NKAIN2: variants seen among roughly 807,000 people sequenced by gnomAD.
The protein encoded by NKAIN2 is sodium/potassium transporting ATPase interacting 2.
In NKAIN2, 14 loss-of-function variants were observed where a neutral mutation model predicts 32.6. That is an observed-to-expected ratio of 0.43 (90% confidence interval 0.28 to 0.67). The LOEUF (loss-of-function observed/expected upper bound fraction) is 0.67. Among genes scored for constraint, NKAIN2 ranks in the 30% least tolerant of loss-of-function variants. The pLI is 0.17. For synonymous variants in NKAIN2, 80 were observed against 87.2 expected (o/e 0.92, Z 0.46); for missense variants, 198 against 258.3 (o/e 0.77, Z 1.60).
intron 1 of NKAIN2, among the ~76,000 whole-genome samples, chr6:123,943,345 A>G (rs540785771): frequency 6.6e-6 from 1 of 152,164 alleles, no homozygotes; most frequent in South Asian, 2.1e-4. Context: ...ATAGTAAGTT[A>G]CTGTTTCAAA....
rs141433693 is a variant in NKAIN2 at position 124,007,011 on chromosome 6, A to G, written c.54+202757A>G. Among the ~76,000 whole-genome samples, 598 of 152,230 alleles carry G rather than the reference A, an allele frequency of 3.9e-3. 2 individuals carry two copies. The highest frequency in any genetic ancestry group is 0.014 in the African/African-American group (565 of 41,530). ...ATTCTGAGAAATGCATCCTTAAGCA[A>G]TTTTGTCATTGTGCAAACATCATAC... On this transcript the variant is annotated intron_variant, in intron 1 of 6. Transcript: ENST00000368417.
At chr6:123,936,243 A>G (rs984325537) in intron 1 of NKAIN2, among the ~76,000 whole-genome samples, 3 of 152,192 alleles carry the variant, frequency 2.0e-5, no homozygotes, top group African/African-American at 7.2e-5. Flanking sequence ...AGAAAGGAAC[A>G]TGCATTATAG....
Position 124,453,866 on chromosome 6 carries a change from T to G in NKAIN2, c.273+98519T>G, listed in dbSNP as rs536149246. Among the ~76,000 whole-genome samples the G allele has an allele frequency of 2.6e-5, 4 of 152,200 alleles. No homozygotes were observed. The East Asian group carries it at 7.8e-4, about 29-fold the overall frequency. On this transcript the variant is annotated intron_variant, in intron 3 of 6. Transcript: ENST00000368417. ...ATCATATAGTTAAAAAAAGTATTGATTTCTCCTTCAGGCTTACCTAAGAAA... is the reference window on the plus strand; with the variant it reads ...ATCATATAGTTAAAAAAAGTATTGAGTTCTCCTTCAGGCTTACCTAAGAAA...
chr6:124,245,944 A>T (rs1793373172), intron 1 of NKAIN2, among the ~76,000 whole-genome samples: 2 of 152,274 alleles, frequency 1.3e-5, no homozygotes, highest in Admixed American at 6.5e-5. Flanking sequence ...TATTGATAAA[A>T]TATATATAAG....
intron 1 of NKAIN2, among the ~76,000 whole-genome samples, chr6:123,999,273 T>G (rs1340284693): frequency 1.3e-5 from 2 of 152,164 alleles, no homozygotes; most frequent in Non-Finnish European, 2.9e-5. Flanking sequence ...TGACATTATA[T>G]TCTAAGGTGA....
rs374582130 is a variant in NKAIN2, at chr6:124,650,807, A to C, written c.274-7379A>C. Among the ~76,000 whole-genome samples, 16 of 152,304 alleles carry C rather than the reference A, an allele frequency of 1.1e-4. No homozygotes were observed. The East Asian group carries it at 2.7e-3, about 26-fold the overall frequency. ...GTCCGCCAGAATCTATGTTCACCTCACATGCAAAATATATTCATTTGATTT... is the reference window on the plus strand; with the variant it reads ...GTCCGCCAGAATCTATGTTCACCTCCCATGCAAAATATATTCATTTGATTT... On this transcript the variant is annotated intron_variant, in intron 3 of 6. Coordinates refer to ENST00000368417, the MANE Select transcript of NKAIN2 (RefSeq NM_001040214.3).
At chr6:124,212,851 G>T (rs1422743862) in intron 1 of NKAIN2, among the ~76,000 whole-genome samples, 1 of 151,990 alleles carries the variant, frequency 6.6e-6, no homozygotes, top group Non-Finnish European at 1.5e-5. Context: ...GACTCAAAAT[G>T]ATGCAACTTT....
chr6:123,886,089 C>T (rs1773702278), intron 1 of NKAIN2, among the ~76,000 whole-genome samples: 1 of 151,766 alleles, frequency 6.6e-6, no homozygotes, highest in Non-Finnish European at 1.5e-5. Flanking sequence ...TTATTTTTAC[C>T]TATCAAATTA....
intron 1 of NKAIN2, among the ~76,000 whole-genome samples, chr6:124,238,176 A>G (rs1009366499): frequency 1.3e-5 from 2 of 152,022 alleles, no homozygotes; most frequent in African/African-American, 4.8e-5. Context: ...GCCAGGGGGG[A>G]AGAAAAACAG....
intron 1 of NKAIN2, among the ~76,000 whole-genome samples, chr6:123,932,846 T>C (rs2114526386): frequency 6.6e-6 from 1 of 152,156 alleles, no homozygotes; most frequent in African/African-American, 2.4e-5. Flanking sequence ...GATTTTCTTT[T>C]CCTCTGATTA....
chr6:124,192,758 T>G (rs1790087537), intron 1 of NKAIN2, among the ~76,000 whole-genome samples: 2 of 141,398 alleles, frequency 1.4e-5, no homozygotes, highest in South Asian at 4.7e-4. Flanking sequence ...TTTTTTTTTT[T>G]TTTTTTTTTG....
intron 3 of NKAIN2, among the ~76,000 whole-genome samples, chr6:124,592,796 C>T (rs1020884069): frequency 1.3e-5 from 2 of 152,166 alleles, no homozygotes; most frequent in Non-Finnish European, 2.9e-5. Context: ...CTTTGGTTTT[C>T]TTGCCTATAA....
At chr6:124,533,711 G>T (rs937242779) in intron 3 of NKAIN2, among the ~76,000 whole-genome samples, 1 of 152,118 alleles carries the variant, frequency 6.6e-6, no homozygotes, top group Admixed American at 6.5e-5. Context: ...ATATTTATGG[G>T]TTGTCTAGGT....
At chr6:124,751,008 A>T (rs1777693152) in intron 4 of NKAIN2, among the ~76,000 whole-genome samples, 1 of 152,084 alleles carries the variant, frequency 6.6e-6, no homozygotes, top group Admixed American at 6.6e-5. Context: ...ATCACACAGG[A>T]AAGTTTCACC....
intron 5 of NKAIN2, chr6:124,794,923 C>CA (rs1779932730): frequency 1.6e-5 from 11 of 698,054 alleles, no homozygotes; most frequent in Non-Finnish European, 1.9e-5. Context: ...AATTATATTA[C>CA]AAAAAATTAT....
chr6:124,490,946 T>C (rs1213646789), intron 3 of NKAIN2, among the ~76,000 whole-genome samples: 1 of 151,902 alleles, frequency 6.6e-6, no homozygotes, highest in African/African-American at 2.4e-5. Flanking sequence ...TAGAAACAAC[T>C]CATTTATTTT....
chr6:124,818,879 T>C (rs1170264964), intron 6 of NKAIN2, among the ~76,000 whole-genome samples: 1 of 152,168 alleles, frequency 6.6e-6, no homozygotes, highest in East Asian at 1.9e-4. Context: ...AAAAGAGTTC[T>C]CATTTAGATG....
At chr6:123,881,876 A>G (rs1013086268) in intron 1 of NKAIN2, among the ~76,000 whole-genome samples, 2 of 152,176 alleles carry the variant, frequency 1.3e-5, no homozygotes, top group African/African-American at 4.8e-5. Flanking sequence ...ACTTTTAGTC[A>G]TATTCTGTAG....
At chr6:124,531,941 G>C (rs1779542837) in intron 3 of NKAIN2, among the ~76,000 whole-genome samples, 1 of 152,142 alleles carries the variant, frequency 6.6e-6, no homozygotes, top group African/African-American at 2.4e-5. Context: ...AAAGTGCTGG[G>C]GTTACAGGCG....
Sources: gnomAD v4.1 joint callset for allele counts (sites outside exome capture counted in the v4.1 genomes callset) on GRCh38, gnomAD v4.1.1 for gene constraint, MANE v1.5 for transcripts, NCBI Gene and HGNC (gene_info 2026-07-23, HGNC 2026-07-21) for gene names.